PLAC9: variants seen among roughly 807,000 people sequenced by gnomAD.
PLAC9 encodes placenta associated 9, also known as placenta-specific protein 9.
In PLAC9, 12 loss-of-function variants were observed where a neutral mutation model predicts 11.5. The observed-to-expected ratio is 1.05, with a 90% CI of 0.67 to 1.69. The LOEUF (loss-of-function observed/expected upper bound fraction) is 1.69, where lower values mean the gene tolerates loss of function less well. PLAC9 is among the 40% of genes most tolerant of loss of function. The pLI is 0.00. For missense variants in PLAC9, 132 were observed against 130.5 expected (o/e 1.01, Z -0.06); for synonymous variants, 62 against 58.1 (o/e 1.07, Z -0.31).
Position 80,145,300 on chromosome 10 carries a change from C to T in PLAC9, c.*390C>T. ...GACTGTTTAATCCAAATCTGCATTG[C>T]AATGAGACCCCCAGGGATTTTATGT... On this transcript the variant is annotated 3_prime_UTR_variant, in exon 4 of 4. Transcript: ENST00000372263. The T allele has an allele frequency of 3.1e-6, 1 of 326,762 alleles. No homozygotes were observed. The highest frequency in any genetic ancestry group is 5.6e-6 in the Non-Finnish European group (1 of 178,876). 20.2% of individuals were successfully genotyped at this position (326,762 alleles called of 1,614,324 possible).
At position 80,142,148 on chromosome 10, in the gene PLAC9, C is replaced by G. The variant is rs771493140; in HGVS notation, c.131C>G (p.Ala44Gly). The change falls in exon 2 of 4, where the codon GCT becomes GGT. Residue 44 changes from alanine to glycine, a missense_variant. By Grantham distance (60) the Ala-to-Gly change is moderately conservative (BLOSUM62 0). Transcript: ENST00000372263. ...AGCACAGCGTGTGACAGACACATGGCTGTGCAACGCCGTCTAGATGTCATG... is the reference window on the plus strand; with the variant it reads ...AGCACAGCGTGTGACAGACACATGGGTGTGCAACGCCGTCTAGATGTCATG... ...AQSTACDRHMAVQRRLDVMEE... is the reference protein window; with the variant it reads ...AQSTACDRHMGVQRRLDVMEE... 1 of 1,610,180 alleles carries G rather than the reference C, an allele frequency of 6.2e-7. No individual in the cohort carries two copies. The highest frequency in any genetic ancestry group is 8.5e-7 in the Non-Finnish European group (1 of 1,176,914).
chr10:80,143,304 T>C (rs1845062230), intron 2 of PLAC9, among the ~76,000 whole-genome samples: 1 of 151,730 alleles, frequency 6.6e-6, no homozygotes, highest in Non-Finnish European at 1.5e-5. Context: ...TGACCTCAAG[T>C]GATCTCGCCT....
chr10:80,140,854 G>A lies in PLAC9; in HGVS notation c.65-1228G>A, dbSNP rs183961885. 2.9e-3 allele frequency among the ~76,000 whole-genome samples: 442 copies of A among 152,256 alleles called. 8 individuals carry two copies. The highest frequency in any genetic ancestry group is 0.011 in the East Asian group (57 of 5,182). On this transcript the variant is annotated intron_variant, in intron 1 of 3. Coordinates refer to ENST00000372263, the MANE Select transcript of PLAC9 (RefSeq NM_001012973.3). The stretch of plus-strand genomic sequence containing the variant: ...AAAATTGCAATATTCTTTACCTCTT[G>A]TTCCTCCTGTGATTCCTAAGACCTC...
intron 2 of PLAC9, among the ~76,000 whole-genome samples, chr10:80,143,541 C>T (rs1441143012): frequency 6.7e-6 from 1 of 150,322 alleles, no homozygotes; most frequent in African/African-American, 2.5e-5. Context: ...AGACTACAGA[C>T]GCGCACCACC....
At chr10:80,135,692 T>C (rs977154132) in intron 1 of PLAC9, among the ~76,000 whole-genome samples, 8 of 151,408 alleles carry the variant, frequency 5.3e-5, no homozygotes, top group Non-Finnish European at 1.2e-4. Context: ...CCTGATGGCT[T>C]TTTAGACCAT....
intron 1 of PLAC9, among the ~76,000 whole-genome samples, chr10:80,134,326 C>G (rs766612658): frequency 6.7e-6 from 1 of 149,514 alleles, no homozygotes. Context: ...TGCAGTGGCA[C>G]AATCTCAGCT....
intron 1 of PLAC9, among the ~76,000 whole-genome samples, chr10:80,139,317 C>G (rs910740970): frequency 1.6e-4 from 25 of 152,126 alleles, no homozygotes; most frequent in African/African-American, 6.0e-4. Flanking sequence ...CTCTTCAGCC[C>G]CCATTTCTCC....
chr10:80,135,346 G>A (rs1361381421), intron 1 of PLAC9, among the ~76,000 whole-genome samples: 2 of 63,692 alleles, frequency 3.1e-5, no homozygotes, highest in African/African-American at 1.2e-4. Context: ...TTTTTTTTGA[G>A]ACAGAGTCTT....
chr10:80,133,560 G>C (rs1409793469), intron 1 of PLAC9, among the ~76,000 whole-genome samples: 1 of 152,324 alleles, frequency 6.6e-6, no homozygotes, highest in Middle Eastern at 3.4e-3. Context: ...CCGGTTTCCA[G>C]GGAGCTTCTC....
chr10:80,144,045 T>C lies in PLAC9; in HGVS notation c.163-178T>C, dbSNP rs113743672. 43 of 781,416 alleles carry C rather than the reference T, an allele frequency of 5.5e-5. No individual in the cohort carries two copies. In the African/African-American group the frequency reaches 5.5e-4, roughly 10 times the overall value. The allele number at this position is 781,416 out of a possible 1,614,324, so 48.4% of individuals were successfully genotyped here. On this transcript the variant is annotated intron_variant, in intron 2 of 3. Transcript: ENST00000372263. ...GAGCAAGCCCCCTAGGATATTGTCA[T>C]CTGGGGAAACTGAGGCAGGTAGGGG...
intron 1 of PLAC9, among the ~76,000 whole-genome samples, chr10:80,141,104 C>T (rs1589405004): frequency 6.6e-6 from 1 of 152,110 alleles, no homozygotes. Flanking sequence ...TAACGGGTTC[C>T]CAGTGTCAAC....
chr10:80,132,879 A>G, intron 1 of PLAC9, 53 bp downstream of exon 1: 1 of 1,406,432 alleles, frequency 7.1e-7, no homozygotes, highest in Non-Finnish European at 9.4e-7. Flanking sequence ...AGACCCGCAG[A>G]TGGCGAGGAA....
chr10:80,144,098 C>T (rs577218655), intron 2 of PLAC9, 125 bp from the exon 3 acceptor site: 2 of 1,370,980 alleles, frequency 1.5e-6, no homozygotes, highest in East Asian at 2.3e-5. Flanking sequence ...AAACCCAGGT[C>T]ACTTAGCGCC....
chr10:80,135,052 C>T (rs190694941), intron 1 of PLAC9, among the ~76,000 whole-genome samples: 28 of 145,700 alleles, frequency 1.9e-4, no homozygotes, highest in African/African-American at 6.9e-4. Flanking sequence ...TGGAGTCTCG[C>T]TCTGTCTCCC....
chr10:80,136,785 T>C (rs1589403557), intron 1 of PLAC9, among the ~76,000 whole-genome samples: 1 of 152,176 alleles, frequency 6.6e-6, no homozygotes, highest in African/African-American at 2.4e-5. Context: ...AGCTCTGGGA[T>C]TACAGGTGTG....
At chr10:80,133,916 C>T (rs1564587309) in intron 1 of PLAC9, among the ~76,000 whole-genome samples, 1 of 139,864 alleles carries the variant, frequency 7.1e-6, no homozygotes, top group Non-Finnish European at 1.5e-5. Flanking sequence ...CGCAATCCAG[C>T]CTGGGTGACA....
chr10:80,139,044 C>T (rs1279997486), intron 1 of PLAC9, among the ~76,000 whole-genome samples: 4 of 151,052 alleles, frequency 2.6e-5, no homozygotes, highest in Non-Finnish European at 4.4e-5. Context: ...CTCTGCCTCC[C>T]GGGTTCACGC....
At chr10:80,132,691 G>T, upstream of PLAC9, 2 of 1,309,848 alleles carry the variant, frequency 1.5e-6, no homozygotes, top group Non-Finnish European at 2.0e-6. Flanking sequence ...ATTTCCTCTC[G>T]GGCCGGCCGG....
chr10:80,140,988 A>G (rs1455568604), intron 1 of PLAC9, among the ~76,000 whole-genome samples: 2 of 152,060 alleles, frequency 1.3e-5, no homozygotes, highest in Non-Finnish European at 1.5e-5. Flanking sequence ...CCTTCTGTGC[A>G]TCAGTTTTCC....
Sources: allele counts gnomAD v4.1 joint callset (sites outside exome capture counted in the v4.1 genomes callset), GRCh38; gene constraint gnomAD v4.1.1; transcripts MANE v1.5; gene names NCBI Gene and HGNC (gene_info 2026-07-23, HGNC 2026-07-21).